Variants in ZMAT4 observed in about 807,000 individuals in gnomAD.
ZMAT4 encodes zinc finger matrin-type protein 4.
A neutral mutation model predicts 28.7 loss-of-function variants in ZMAT4; 17 were observed. That is an observed-to-expected ratio of 0.59 (90% CI 0.41 to 0.89). ZMAT4 has a LOEUF of 0.89. ZMAT4 is among the 40% of genes least tolerant of loss of function. The probability of loss-of-function intolerance (pLI) is 0.00; values close to 1 mark genes in which losing one functional copy is unlikely to be tolerated. For missense variants in ZMAT4, 240 were observed against 283.8 expected (o/e 0.85, Z 1.11); for synonymous variants, 117 against 109.2 (o/e 1.07, Z -0.44).
chr8:40,875,430 A>C (rs2150658258), intron 1 of ZMAT4, among the ~76,000 whole-genome samples: 1 of 152,300 alleles, frequency 6.6e-6, no homozygotes, highest in South Asian at 2.1e-4. Flanking sequence ...TTGGTTGAAA[A>C]GAAAGAGTTA....
chr8:40,863,612 G>A (rs1471690014), intron 1 of ZMAT4, among the ~76,000 whole-genome samples: 3 of 152,200 alleles, frequency 2.0e-5, no homozygotes, highest in Admixed American at 6.5e-5. Context: ...GCAGCTTCCA[G>A]TAGAAATGTC....
intron 3 of ZMAT4, among the ~76,000 whole-genome samples, chr8:40,732,964 C>T (rs980672481): frequency 6.6e-6 from 1 of 150,492 alleles, no homozygotes; most frequent in Admixed American, 6.7e-5. Flanking sequence ...TCTCACCTCA[C>T]CCTGCCAAGT....
rs561576151 is a variant in ZMAT4 at position 40,598,514 on chromosome 8, C to T, written c.578-17253G>A. 3.3e-5 allele frequency among the ~76,000 whole-genome samples: 5 copies of T among 152,270 alleles called. No individual in the cohort carries two copies. The East Asian group carries it at 9.7e-4, about 29-fold the overall frequency. On this transcript the variant is annotated intron_variant, in intron 5 of 6. Transcript: ENST00000297737. ...TGCTGAGAATGATGGTTTCCAGTTT[C>T]ATCCATTTCCCTGCAAAGGACATGA... is the stretch of plus-strand genomic sequence containing the variant.
intron 1 of ZMAT4, among the ~76,000 whole-genome samples, chr8:40,872,021 G>A (rs1324878022): frequency 6.6e-6 from 1 of 152,174 alleles, no homozygotes; most frequent in East Asian, 1.9e-4. Context: ...TGAAATCAGG[G>A]CCAACTGACA....
At chr8:40,654,463 G>A (rs1185685336) in intron 5 of ZMAT4, among the ~76,000 whole-genome samples, 1 of 151,778 alleles carries the variant, frequency 6.6e-6, no homozygotes, top group Non-Finnish European at 1.5e-5. Context: ...ATTCACTATA[G>A]GTCTGTATTA....
intron 6 of ZMAT4, among the ~76,000 whole-genome samples, chr8:40,551,155 T>C (rs958827549): frequency 6.6e-6 from 1 of 152,158 alleles, no homozygotes; most frequent in Admixed American, 6.6e-5. Context: ...GGAAAGTACT[T>C]AGCACATAGT....
intron 6 of ZMAT4, among the ~76,000 whole-genome samples, chr8:40,571,138 G>C (rs1330374519): frequency 3.9e-5 from 6 of 152,084 alleles, no homozygotes; most frequent in African/African-American, 1.4e-4. Context: ...AAATGAATGA[G>C]CTAAACAATA....
intron 4 of ZMAT4, among the ~76,000 whole-genome samples, chr8:40,696,021 T>C (rs1422557388): frequency 6.6e-6 from 1 of 152,048 alleles, no homozygotes; most frequent in East Asian, 1.9e-4. Flanking sequence ...GGGGAGTAGG[T>C]TACAAGGTGA....
At chr8:40,872,299 G>C (rs1817886075) in intron 1 of ZMAT4, among the ~76,000 whole-genome samples, 1 of 152,228 alleles carries the variant, frequency 6.6e-6, no homozygotes, top group Admixed American at 6.5e-5. Context: ...GCATCCCACA[G>C]AGCACCACCA....
chr8:40,595,953 G>A (rs182201080), intron 5 of ZMAT4, among the ~76,000 whole-genome samples: 1 of 151,968 alleles, frequency 6.6e-6, no homozygotes, highest in Admixed American at 6.6e-5. Context: ...GCATGGTGGT[G>A]GGCGCCTGTA....
chr8:40,690,771 A>C (rs1045678552), intron 4 of ZMAT4: 1 of 386,236 alleles, frequency 2.6e-6, no homozygotes, highest in Non-Finnish European at 3.5e-6. Context: ...TCTGGCATGG[A>C]AATTTATGTA....
At chr8:40,551,250 G>A (rs1299086264) in intron 6 of ZMAT4, among the ~76,000 whole-genome samples, 5 of 152,082 alleles carry the variant, frequency 3.3e-5, no homozygotes, top group Admixed American at 6.6e-5. Flanking sequence ...ATGAATGAAT[G>A]GCACACAAGC....
intron 2 of ZMAT4, among the ~76,000 whole-genome samples, chr8:40,810,267 A>G (rs1815266376): frequency 1.3e-5 from 2 of 152,362 alleles, no homozygotes; most frequent in South Asian, 4.1e-4. Flanking sequence ...TCAAAAGCAT[A>G]CACTAAACAA....
At chr8:40,800,951 C>T (rs1400744970) in intron 2 of ZMAT4, among the ~76,000 whole-genome samples, 1 of 151,772 alleles carries the variant, frequency 6.6e-6, no homozygotes, top group South Asian at 2.1e-4. Context: ...TCTTCGAAAA[C>T]ATGAATAAAA....
chr8:40,725,543 C>T (rs1321768800), intron 3 of ZMAT4, among the ~76,000 whole-genome samples: 2 of 152,148 alleles, frequency 1.3e-5, no homozygotes, highest in African/African-American at 4.8e-5. Flanking sequence ...AATGCTTAGT[C>T]TAAGATGCAT....
chr8:40,610,435 C>T (rs1563365321), intron 5 of ZMAT4, among the ~76,000 whole-genome samples: 1 of 152,120 alleles, frequency 6.6e-6, no homozygotes, highest in Non-Finnish European at 1.5e-5. Context: ...CAATTCATTC[C>T]ATGAGGAGAT....
intron 3 of ZMAT4, among the ~76,000 whole-genome samples, chr8:40,702,307 G>A (rs1175691873): frequency 6.6e-6 from 1 of 152,140 alleles, no homozygotes; most frequent in Non-Finnish European, 1.5e-5. Context: ...ATAGCCCGGG[G>A]TAGAAACTCC....
intron 5 of ZMAT4, among the ~76,000 whole-genome samples, chr8:40,600,855 C>G (rs1025863682): frequency 6.6e-6 from 1 of 152,198 alleles, no homozygotes; most frequent in Non-Finnish European, 1.5e-5. Flanking sequence ...CTGCTGCATC[C>G]TACTCTTAAT....
At chr8:40,561,158 G>C (rs569439999) in intron 6 of ZMAT4, among the ~76,000 whole-genome samples, 16 of 151,970 alleles carry the variant, frequency 1.1e-4, no homozygotes, top group Middle Eastern at 3.2e-3. Flanking sequence ...AGTGTCATTT[G>C]TTAATAAAAT....
Sources: gnomAD v4.1 joint callset for allele counts (sites outside exome capture counted in the v4.1 genomes callset) on GRCh38, gnomAD v4.1.1 for gene constraint, MANE v1.5 for transcripts, NCBI Gene and HGNC (gene_info 2026-07-23, HGNC 2026-07-21) for gene names.